The following BNC2 variants were observed in gnomAD, a reference collection of about 807,000 sequenced individuals.
BNC2 encodes the protein zinc finger protein basonuclin-2.
BNC2 carries 20 observed loss-of-function variants against 76.3 expected under a neutral mutation model. The ratio of observed to expected loss-of-function variants is 0.26; its 90% confidence interval spans 0.18 to 0.38. The LOEUF (loss-of-function observed/expected upper bound fraction) is 0.38. Among genes scored for constraint, BNC2 ranks in the 10% least tolerant of loss-of-function variants. BNC2 has a pLI of 1.00. For missense variants in BNC2, 1,382 were observed against 1,399.8 expected (o/e 0.99, Z 0.20); for synonymous variants, 582 against 514.8 (o/e 1.13, Z -1.77).
At chr9:16,834,997 G>A (rs1038205259) in intron 1 of BNC2, among the ~76,000 whole-genome samples, 1 of 152,094 alleles carries the variant, frequency 6.6e-6, no homozygotes, top group Non-Finnish European at 1.5e-5. Context: ...ATATCCACGG[G>A]TACTTAAGAA....
intron 1 of BNC2, among the ~76,000 whole-genome samples, chr9:16,837,968 C>G (rs897234676): frequency 6.6e-6 from 1 of 151,972 alleles, no homozygotes; most frequent in African/African-American, 2.4e-5. Flanking sequence ...CACTTTTGCT[C>G]TGCTTTCTGT....
intron 1 of BNC2, among the ~76,000 whole-genome samples, chr9:16,853,465 GTAACTTTCTAAT>G (rs1819178628): frequency 6.6e-6 from 1 of 150,492 alleles, no homozygotes; most frequent in Non-Finnish European, 1.5e-5. Context: ...GATTTTCAAC[GTAACTTTCTAAT>G]TACATTTTAA....
intron 3 of BNC2, among the ~76,000 whole-genome samples, chr9:16,587,704 G>C (rs1319502323): frequency 1.3e-5 from 2 of 152,026 alleles, no homozygotes; most frequent in Non-Finnish European, 2.9e-5. Context: ...CATTCTCCTT[G>C]GTTGGACAGC....
intron 3 of BNC2, among the ~76,000 whole-genome samples, chr9:16,710,581 T>C: frequency 6.6e-6 from 1 of 152,212 alleles, no homozygotes; most frequent in East Asian, 1.9e-4. Flanking sequence ...GAATTATATA[T>C]ATGCATGTAT....
intron 5 of BNC2, among the ~76,000 whole-genome samples, chr9:16,441,751 C>T (rs1048972915): frequency 6.6e-6 from 1 of 152,180 alleles, no homozygotes; most frequent in East Asian, 1.9e-4. Flanking sequence ...AGGCATGATA[C>T]ATTTTTTTAG....
chr9:16,663,128 C>CTTTTTTTTTTTTTTTTTTTTTTTTT lies in BNC2; in HGVS notation c.330+64668_330+64669insAAAAAAAAAAAAAAAAAAAAAAAAA, dbSNP rs1220327938. 3.9e-5 allele frequency among the ~76,000 whole-genome samples: 2 copies of CTTTTTTTTTTTTTTTTTTTTTTTTT among 51,650 alleles called. 1 individual carries two copies. The highest frequency in any genetic ancestry group is 1.4e-4 in the African/African-American group (2 of 14,590). The allele number at this position is 51,650 out of a possible 152,430, so 33.9% of individuals were successfully genotyped here. ...ATCCATAGGCACTCCACTCTGTTTA[C>CTTTTTTTTTTTTTTTTTTTTTTTTT]TCTTTTTTTTTTTTTTTTGGAGACG... On this transcript the variant is annotated intron_variant, in intron 3 of 6. Transcript: ENST00000380672.
intron 3 of BNC2, among the ~76,000 whole-genome samples, chr9:16,679,679 G>A (rs1241027978): frequency 3.9e-5 from 6 of 152,314 alleles, no homozygotes; most frequent in African/African-American, 1.2e-4. Context: ...TGCGCGGGCC[G>A]GATGACACCT....
intron 3 of BNC2, among the ~76,000 whole-genome samples, chr9:16,660,136 T>C (rs558008905): frequency 6.6e-5 from 10 of 152,304 alleles, no homozygotes; most frequent in Non-Finnish European, 8.8e-5. Context: ...TTGCCCACAA[T>C]GTCTTGGACT....
At chr9:16,619,715 C>T (rs569580646) in intron 3 of BNC2, among the ~76,000 whole-genome samples, 2 of 152,120 alleles carry the variant, frequency 1.3e-5, no homozygotes, top group East Asian at 1.9e-4. Flanking sequence ...AGGATTAGCA[C>T]ATGATTACCC....
At chr9:16,642,361 A>G (rs1225966842) in intron 3 of BNC2, among the ~76,000 whole-genome samples, 1 of 152,156 alleles carries the variant, frequency 6.6e-6, no homozygotes. Context: ...AACATCTCCA[A>G]AGTTCTTTCA....
rs184366888 is a variant in BNC2, at chr9:16,515,910, A to G, written c.669+36620T>C. Among the ~76,000 whole-genome samples the G allele has an allele frequency of 3.2e-3, 490 of 151,154 alleles. 5 individuals are homozygous for G. Among genetic ancestry groups the G allele is most frequent in the Non-Finnish European group, 5.8e-3 (395 of 67,904 alleles). ...GTAACATGAAACAGGTTTGGAAGATAATGGCAGTTTGAGAGGAAAACACTT... is the reference window on the plus strand; with the variant it reads ...GTAACATGAAACAGGTTTGGAAGATGATGGCAGTTTGAGAGGAAAACACTT... On this transcript the variant is annotated intron_variant, in intron 5 of 6. Coordinates refer to ENST00000380672, the MANE Select transcript of BNC2 (RefSeq NM_017637.6).
chr9:16,440,129 C>A (rs528354672), intron 5 of BNC2, among the ~76,000 whole-genome samples: 3 of 152,166 alleles, frequency 2.0e-5, no homozygotes, highest in Non-Finnish European at 4.4e-5. Context: ...TCACCCCTAT[C>A]GTAACTTCCA....
At chr9:16,682,724 T>C (rs1563896831) in intron 3 of BNC2, among the ~76,000 whole-genome samples, 1 of 152,170 alleles carries the variant, frequency 6.6e-6, no homozygotes, top group Non-Finnish European at 1.5e-5. Flanking sequence ...TATTGGTTCA[T>C]TATTTACTCT....
chr9:16,581,225 A>T (rs937219896), intron 4 of BNC2, among the ~76,000 whole-genome samples: 1 of 152,184 alleles, frequency 6.6e-6, no homozygotes, highest in Non-Finnish European at 1.5e-5. Flanking sequence ...GCCCTAATCC[A>T]ATCTGACTGG....
chr9:16,617,215 G>C (rs1056195880), intron 3 of BNC2, among the ~76,000 whole-genome samples: 2 of 151,966 alleles, frequency 1.3e-5, no homozygotes, highest in African/African-American at 4.8e-5. Context: ...ACTTCTTATA[G>C]AACAAACAAA....
intron 3 of BNC2, among the ~76,000 whole-genome samples, chr9:16,588,459 C>A (rs968662218): frequency 6.6e-6 from 1 of 151,944 alleles, no homozygotes; most frequent in African/African-American, 2.4e-5. Flanking sequence ...GGTTCAGAAA[C>A]GTTTATGTGT....
chr9:16,626,708 T>G (rs146255906), intron 3 of BNC2, among the ~76,000 whole-genome samples: 205 of 152,052 alleles, frequency 1.3e-3, no homozygotes, highest in African/African-American at 4.6e-3. Context: ...CACCCTGTAT[T>G]CTCTTTTCTT....
chr9:16,624,281 C>T (rs887260672), intron 3 of BNC2, among the ~76,000 whole-genome samples: 11 of 152,144 alleles, frequency 7.2e-5, no homozygotes, highest in African/African-American at 2.2e-4. Flanking sequence ...AAACCACCTT[C>T]ACGTGGACTT....
At chr9:16,498,692 G>GA (rs34031800) in intron 5 of BNC2, among the ~76,000 whole-genome samples, 18,912 of 146,440 alleles carry the variant, frequency 0.13, 1,431 homozygotes, top group East Asian at 0.29. Context: ...CTATAATCAA[G>GA]AAAAAAAAAA....
Sources: allele counts gnomAD v4.1 joint callset (sites outside exome capture counted in the v4.1 genomes callset), GRCh38; gene constraint gnomAD v4.1.1; transcripts MANE v1.5; gene names NCBI Gene and HGNC (gene_info 2026-07-23, HGNC 2026-07-21).